The following ALG8 variants were observed in gnomAD, a reference collection of about 807,000 sequenced individuals.
The protein encoded by ALG8 is ALG8 alpha-1,3-glucosyltransferase.
A neutral mutation model predicts 70.2 loss-of-function variants in ALG8; 48 were observed. The ratio of observed to expected loss-of-function variants is 0.68; its 90% CI spans 0.54 to 0.87. The LOEUF (loss-of-function observed/expected upper bound fraction) is 0.87. ALG8 is among the 40% of genes least tolerant of loss of function. The pLI is 0.00. For synonymous variants in ALG8, 234 were observed against 229.0 expected (o/e 1.02, Z -0.20); for missense variants, 572 against 608.7 (o/e 0.94, Z 0.64).
At chr11:78,102,570 T>A (rs1426225410) in intron 12 of ALG8, among the ~76,000 whole-genome samples, 1 of 152,204 alleles carries the variant, frequency 6.6e-6, no homozygotes, top group Non-Finnish European at 1.5e-5. Context: ...GGGGTGGAAT[T>A]GCTGGGTCAC....
intron 1 of ALG8, among the ~76,000 whole-genome samples, chr11:78,135,847 C>G (rs1244754800): frequency 7.5e-6 from 1 of 132,676 alleles, no homozygotes. Flanking sequence ...AACTCCGTCT[C>G]AAACATAAAT....
At chr11:78,121,449 C>T (rs559520309) in intron 3 of ALG8, among the ~76,000 whole-genome samples, 1 of 150,660 alleles carries the variant, frequency 6.6e-6, no homozygotes, top group Non-Finnish European at 1.5e-5. Flanking sequence ...CACAGCAAGC[C>T]GAGCAGGGTG....
intron 5 of ALG8, chr11:78,114,595 G>T: frequency 3.1e-6 from 2 of 645,586 alleles, no homozygotes; most frequent in East Asian, 2.8e-5. Flanking sequence ...ATGGGTGAGG[G>T]ATATATAGGA....
chr11:78,138,351 CAAA>C (rs11382468), intron 1 of ALG8, among the ~76,000 whole-genome samples: 14 of 134,732 alleles, frequency 1.0e-4, no homozygotes, highest in East Asian at 2.3e-4. Context: ...GAGACTGTCT[CAAA>C]AAAAAAAAAA....
At chr11:78,109,178 G>GC (rs1860172364) in intron 9 of ALG8, among the ~76,000 whole-genome samples, 1 of 152,124 alleles carries the variant, frequency 6.6e-6, no homozygotes, top group Non-Finnish European at 1.5e-5. Context: ...TCCTCTCTGG[G>GC]CTTTTCTTTT....
intron 1 of ALG8, among the ~76,000 whole-genome samples, chr11:78,134,505 C>T (rs1590845511): frequency 6.6e-6 from 1 of 152,328 alleles, no homozygotes; most frequent in South Asian, 2.1e-4. Flanking sequence ...CTTCCTTTCA[C>T]AAAAGATTCC....
chr11:78,106,907 T>C lies in ALG8; in HGVS notation c.1078A>G (p.Arg360Gly). 6.2e-7 allele frequency: 1 copy of C among 1,614,094 alleles called. No homozygotes were observed. The highest frequency in any genetic ancestry group is 8.5e-7 in the Non-Finnish European group (1 of 1,180,000). ...FCLWFKPQGP[R>G]GFLRCLTLCA... ...AGAGTTAGACATCGGAGAAAGCCTCTGGGCCCTTGGGGTTTAAACCAAAGA... is the reference window on the plus strand; with the variant it reads ...AGAGTTAGACATCGGAGAAAGCCTCCGGGCCCTTGGGGTTTAAACCAAAGA... Residue 360 changes from arginine (R) to glycine (G), a missense_variant, in exon 10 of 13, where the codon AGA becomes GGA. By Grantham distance (125) the Arg-to-Gly change is moderately radical. Coordinates refer to ENST00000299626, the MANE Select transcript of ALG8 (RefSeq NM_024079.5).
Position 78,127,447 on chromosome 11 carries a change from C to A in ALG8, c.96-11G>T, listed in dbSNP as rs768961732. The A allele has an allele frequency of 6.2e-7, 1 of 1,609,230 alleles. No homozygotes were observed. The highest frequency in any genetic ancestry group is 1.7e-5 in the Admixed American group (1 of 59,992). The stretch of plus-strand genomic sequence containing the variant: ...AAATCTGTGGAATGGCTACTCAAAA[C>A]AATTAGATAAATAAAATGAGATTTT... On this transcript the variant is annotated splice_polypyrimidine_tract_variant and intron_variant, in intron 1 of 12. Coordinates refer to ENST00000299626, the MANE Select transcript of ALG8 (RefSeq NM_024079.5).
At chr11:78,133,887 C>T (rs550508153) in intron 1 of ALG8, among the ~76,000 whole-genome samples, 39 of 147,376 alleles carry the variant, frequency 2.6e-4, no homozygotes, top group South Asian at 6.5e-4. Flanking sequence ...GGCGACAGAG[C>T]GAGACTCCGT....
intron 5 of ALG8, among the ~76,000 whole-genome samples, chr11:78,116,713 T>C (rs1033091169): frequency 1.3e-5 from 2 of 151,956 alleles, no homozygotes; most frequent in African/African-American, 4.8e-5. Context: ...CAGCATGACG[T>C]TGTCTTCAAA....
rs117315570 is a variant in ALG8 at position 78,124,024 on chromosome 11, C to T, written c.365G>A (p.Arg122His). ...FMDVLFVYAVRECCKCIDGKK... is the reference protein window; with the variant it reads ...FMDVLFVYAVHECCKCIDGKK... The stretch of plus-strand genomic sequence containing the variant: ...AAATGACATGCTCCAGACTTACTCA[C>T]GGACAGCATACACAAAGAGTACATC... Residue 122 changes from arginine (R) to histidine (H), a missense_variant, in exon 3 of 13, where the codon CGT becomes CAT. Arg to His is a conservative substitution (Grantham distance 29). Coordinates refer to ENST00000299626, the MANE Select transcript of ALG8 (RefSeq NM_024079.5). 5.0e-5 allele frequency: 81 copies of T among 1,614,040 alleles called. No homozygotes were observed. The East Asian group carries it at 1.3e-3, about 26-fold the overall frequency.
chr11:78,103,419 G>T, intron 12 of ALG8: 1 of 152,184 alleles, frequency 6.6e-6, no homozygotes, highest in Non-Finnish European at 1.5e-5. Context: ...AGTGGAGATC[G>T]CGCCACTGCA....
Position 78,107,198 on chromosome 11 carries a change from AATATAT to A in ALG8, c.1039-258_1039-253del, listed in dbSNP as rs57228944. 0.07 allele frequency among the ~76,000 whole-genome samples: 10,118 copies of A among 143,778 alleles called. 1,183 individuals carry two copies. The highest frequency in any genetic ancestry group is 0.24 in the African/African-American group (9,461 of 39,760). 94.3% of individuals were successfully genotyped at this position (143,778 alleles called of 152,430 possible). A position where few individuals can be genotyped will look rare whatever the true frequency, so the allele number is the denominator to read the frequency against. ...TGTAAATAAATATATTTTATATGTA[AATATAT>A]ATATATATATATATATATAATTTTT... On this transcript the variant is annotated intron_variant, in intron 9 of 12. Coordinates refer to ENST00000299626, the MANE Select transcript of ALG8 (RefSeq NM_024079.5).
At chr11:78,109,371 A>G in intron 9 of ALG8, 71 bp downstream of exon 9, 1 of 1,599,266 alleles carries the variant, frequency 6.3e-7, no homozygotes, top group Non-Finnish European at 8.6e-7. Context: ...TTGAAAGTTG[A>G]AATTTAATCA....
intron 9 of ALG8, among the ~76,000 whole-genome samples, chr11:78,107,257 G>C (rs754723353): frequency 6.8e-6 from 1 of 147,290 alleles, no homozygotes. Flanking sequence ...GTCTCGCTTT[G>C]TTGCCAAGGC....
intron 5 of ALG8, among the ~76,000 whole-genome samples, chr11:78,115,095 C>A (rs2136906097): frequency 6.6e-6 from 1 of 152,330 alleles, no homozygotes; most frequent in Non-Finnish European, 1.5e-5. Flanking sequence ...TGCAGTGGCA[C>A]AATCCTGACT....
chr11:78,120,102 A>G (rs745759205), intron 4 of ALG8, among the ~76,000 whole-genome samples: 11 of 152,080 alleles, frequency 7.2e-5, no homozygotes, highest in Admixed American at 2.6e-4. Context: ...AATGTCTCAA[A>G]TTAAAAAAAA....
At chr11:78,102,465 G>A (rs1440427839) in intron 12 of ALG8, among the ~76,000 whole-genome samples, 1 of 152,066 alleles carries the variant, frequency 6.6e-6, no homozygotes, top group East Asian at 1.9e-4. Flanking sequence ...ATGGACATTG[G>A]GTTGTTTCCA....
chr11:78,114,015 A>G, intron 6 of ALG8, 26 bp from the exon 7 acceptor site: 1 of 1,566,746 alleles, frequency 6.4e-7, no homozygotes, highest in Admixed American at 1.8e-5. Context: ...ATTATCAGTA[A>G]CCAGGAAGAT....
Sources: gnomAD v4.1 joint callset for allele counts (sites outside exome capture counted in the v4.1 genomes callset) on GRCh38, gnomAD v4.1.1 for gene constraint, MANE v1.5 for transcripts, NCBI Gene and HGNC (gene_info 2026-07-23, HGNC 2026-07-21) for gene names.